The following PLCB1 variants were observed in gnomAD, a reference collection of about 807,000 sequenced individuals.
PLCB1 encodes the protein 1-phosphatidylinositol 4,5-bisphosphate phosphodiesterase beta-1.
PLCB1 carries 46 observed loss-of-function variants against 161.8 expected under a neutral mutation model. The observed-to-expected ratio is 0.28, with a 90% CI of 0.22 to 0.36. PLCB1 has a LOEUF of 0.36. Ranked by LOEUF, PLCB1 falls within the 10% of genes least tolerant of loss-of-function variation. The pLI is 1.00. For missense variants in PLCB1, 1,016 were observed against 1,472.5 expected, an observed-to-expected ratio of 0.69 and a Z score of 5.07; for synonymous variants, 517 against 503.7, an observed-to-expected ratio of 1.03 and a Z score of -0.35.
chr20:8,765,216 A>C lies in PLCB1; in HGVS notation c.2788A>C (p.Met930Leu), dbSNP rs1192881615. 1 of 1,614,166 alleles carries C rather than the reference A, an allele frequency of 6.2e-7. No homozygotes were observed. The highest frequency in any genetic ancestry group is 1.1e-5 in the South Asian group (1 of 91,076). The change falls in exon 26 of 32, where the codon ATG (methionine) becomes CTG (leucine). Residue 930 changes from methionine to leucine, a missense_variant. Met to Leu is a conservative substitution (Grantham distance 15). This residue lies in a region of PLCB1 where 398 missense variants were observed against 445.4 expected (regional missense o/e 0.89). Transcript: ENST00000338037. ...VKLQKKHYKEMKDLVKRHHKK... is the reference protein window; with the variant it reads ...VKLQKKHYKELKDLVKRHHKK... ...ACTTCAAAAGAAACACTACAAAGAA[A>C]TGAAAGACCTGGTTAAGAGACACCA... is the stretch of plus-strand genomic sequence containing the variant.
chr20:8,207,185 T>A (rs1173618194), intron 2 of PLCB1, among the ~76,000 whole-genome samples: 1 of 152,134 alleles, frequency 6.6e-6, no homozygotes, highest in Non-Finnish European at 1.5e-5. Context: ...ACAAAAAAAA[T>A]TCTGCCATGA....
At chr20:8,783,291 T>A (rs1014265612) in intron 27 of PLCB1, among the ~76,000 whole-genome samples, 1 of 152,254 alleles carries the variant, frequency 6.6e-6, no homozygotes. Context: ...TCTCTACCTT[T>A]AATAGTCAGT....
chr20:8,461,592 A>G (rs1230429712), intron 3 of PLCB1, among the ~76,000 whole-genome samples: 1 of 152,124 alleles, frequency 6.6e-6, no homozygotes, highest in Non-Finnish European at 1.5e-5. Flanking sequence ...TTTTTCCCCT[A>G]ATTAGTTATA....
chr20:8,781,117 C>T (rs763657520), intron 27 of PLCB1, among the ~76,000 whole-genome samples: 3 of 152,124 alleles, frequency 2.0e-5, no homozygotes. Context: ...TCTGTGGTTG[C>T]CTAGGTGATG....
intron 2 of PLCB1, among the ~76,000 whole-genome samples, chr20:8,169,374 C>A (rs960555901): frequency 1.3e-5 from 2 of 152,148 alleles, no homozygotes; most frequent in Non-Finnish European, 2.9e-5. Flanking sequence ...TCCATTTTCT[C>A]TTCTACAAAC....
chr20:8,588,967 A>G (rs1740561998), intron 3 of PLCB1, among the ~76,000 whole-genome samples: 1 of 152,190 alleles, frequency 6.6e-6, no homozygotes, highest in South Asian at 2.1e-4. Flanking sequence ...CTACAAACAC[A>G]TATCGGACAA....
intron 31 of PLCB1, among the ~76,000 whole-genome samples, chr20:8,822,113 C>T (rs989930067): frequency 4.6e-5 from 7 of 151,342 alleles, no homozygotes; most frequent in East Asian, 1.9e-4. Context: ...TAACTTGTTT[C>T]GTCCCCACAC....
intron 2 of PLCB1, among the ~76,000 whole-genome samples, chr20:8,316,708 A>G (rs1360255521): frequency 2.0e-5 from 3 of 152,152 alleles, no homozygotes; most frequent in Non-Finnish European, 4.4e-5. Flanking sequence ...CTGCCATGAC[A>G]ATGAAAGAGA....
chr20:8,685,151 C>T (rs1360886069), intron 10 of PLCB1, 73 bp downstream of exon 10: 8 of 1,417,382 alleles, frequency 5.6e-6, no homozygotes, highest in Middle Eastern at 1.8e-4. Flanking sequence ...TTCTGTTGTT[C>T]GGAAGCTGAA....
chr20:8,655,659 G>C (rs1989437959), intron 7 of PLCB1, among the ~76,000 whole-genome samples: 1 of 152,006 alleles, frequency 6.6e-6, no homozygotes, highest in African/African-American at 2.4e-5. Context: ...GAGTGAAGTT[G>C]GTGAAAGGGG....
At chr20:8,263,446 C>T (rs977113844) in intron 2 of PLCB1, among the ~76,000 whole-genome samples, 1 of 152,008 alleles carries the variant, frequency 6.6e-6, no homozygotes, top group African/African-American at 2.4e-5. Context: ...TGACTCAATC[C>T]CATTAGGAGA....
At chr20:8,615,985 C>G (rs912794698) in intron 3 of PLCB1, among the ~76,000 whole-genome samples, 1 of 152,214 alleles carries the variant, frequency 6.6e-6, no homozygotes, top group Non-Finnish European at 1.5e-5. Flanking sequence ...CCTCTCTTGA[C>G]TACAACTCCT....
chr20:8,558,260 A>G (rs1425005186), intron 3 of PLCB1, among the ~76,000 whole-genome samples: 1 of 151,998 alleles, frequency 6.6e-6, no homozygotes, highest in Non-Finnish European at 1.5e-5. Context: ...GCATGCCTGT[A>G]TCAAAATATC....
chr20:8,829,890 T>C (rs1430063957), intron 31 of PLCB1, among the ~76,000 whole-genome samples: 1 of 152,230 alleles, frequency 6.6e-6, no homozygotes, highest in Non-Finnish European at 1.5e-5. Flanking sequence ...ATATTTTTGC[T>C]GCATAGAGTA....
At chr20:8,138,190 T>G (rs552324777) in intron 1 of PLCB1, among the ~76,000 whole-genome samples, 1 of 152,368 alleles carries the variant, frequency 6.6e-6, no homozygotes, top group Non-Finnish European at 1.5e-5. Context: ...CCACCTATGG[T>G]GAATGAGGAT....
In PLCB1 at chr20:8,615,632, A is replaced by G. The variant is rs1988023510; in HGVS notation, c.247-12662A>G. On this transcript the variant is annotated intron_variant, in intron 3 of 31. Coordinates refer to ENST00000338037, the MANE Select transcript of PLCB1 (RefSeq NM_015192.4). ...TCTCCTGGACAACATTTTGATAAAT[A>G]TAAAATGACTTTAACACAAGAATCA... 2.0e-5 allele frequency among the ~76,000 whole-genome samples: 3 copies of G among 152,224 alleles called. No homozygotes were observed. In the South Asian group the frequency reaches 6.2e-4, roughly 32 times the overall value.
At chr20:8,663,906 AT>A (rs1187390931) in intron 9 of PLCB1, among the ~76,000 whole-genome samples, 1 of 152,092 alleles carries the variant, frequency 6.6e-6, no homozygotes. Flanking sequence ...CAAAACAGTT[AT>A]TTTTTATCAC....
At chr20:8,632,064 TTTTGC>T (rs1415091627) in intron 4 of PLCB1, among the ~76,000 whole-genome samples, 5 of 121,742 alleles carry the variant, frequency 4.1e-5, no homozygotes, top group African/African-American at 1.5e-4. Context: ...TTTTTTTTTT[TTTTGC>T]CTGCTGAAAA....
chr20:8,590,630 G>A (rs535492721), intron 3 of PLCB1, among the ~76,000 whole-genome samples: 1 of 152,134 alleles, frequency 6.6e-6, no homozygotes, highest in South Asian at 2.1e-4. Flanking sequence ...GGAGGCCCTG[G>A]GGGAAAATCT....
Sources: gnomAD v4.1 joint callset for allele counts (sites outside exome capture counted in the v4.1 genomes callset) on GRCh38, gnomAD v4.1.1 for gene constraint, gnomAD v4.1.1 regional missense constraint, MANE v1.5 for transcripts, NCBI Gene and HGNC (gene_info 2026-07-23, HGNC 2026-07-21) for gene names.